Variants in PTDSS1 observed in about 807,000 individuals in gnomAD.
PTDSS1 encodes the protein phosphatidylserine synthase 1.
PTDSS1 carries 45 observed loss-of-function variants against 70.5 expected under a neutral mutation model. That is an observed-to-expected ratio of 0.64 (90% CI 0.50 to 0.82). PTDSS1 has a LOEUF of 0.82. PTDSS1 is among the 40% of genes least tolerant of loss of function. The probability of loss-of-function intolerance (pLI) is 0.00; values close to 1 mark genes in which losing one functional copy is unlikely to be tolerated. For missense variants in PTDSS1, 417 were observed against 586.1 expected (o/e 0.71, Z 2.98); for synonymous variants, 188 against 203.8 (o/e 0.92, Z 0.66).
At chr8:96,329,115 T>C (rs979084843) in intron 10 of PTDSS1, among the ~76,000 whole-genome samples, 2 of 152,160 alleles carry the variant, frequency 1.3e-5, no homozygotes, top group African/African-American at 4.8e-5. Context: ...ATTATTTCCT[T>C]GAGAAGGTCC....
chr8:96,298,871 C>A (rs901065570), intron 5 of PTDSS1, among the ~76,000 whole-genome samples: 3 of 151,998 alleles, frequency 2.0e-5, no homozygotes, highest in African/African-American at 4.8e-5. Flanking sequence ...AAAACTCTGG[C>A]TCAACTGAAA....
chr8:96,310,416 C>T (rs940073397), intron 9 of PTDSS1, among the ~76,000 whole-genome samples: 5 of 151,774 alleles, frequency 3.3e-5, no homozygotes, highest in African/African-American at 1.2e-4. Context: ...ACCCCCTTGG[C>T]CTCCCAAAGT....
At chr8:96,329,176 C>T (rs544432699) in intron 10 of PTDSS1, among the ~76,000 whole-genome samples, 18 of 152,280 alleles carry the variant, frequency 1.2e-4, no homozygotes, top group African/African-American at 3.1e-4. Flanking sequence ...GAGAGGGGTC[C>T]AGGAAAATGA....
rs544682085 is a variant in PTDSS1, at chr8:96,336,229, G to C, written c.*2663G>C. The C allele has an allele frequency of 2.6e-5, 4 of 151,994 alleles. No homozygotes were observed. The highest frequency in any genetic ancestry group is 1.3e-4 in the Admixed American group (2 of 15,280). 9.4% of individuals were successfully genotyped at this position (151,994 alleles called of 1,614,324 possible). On this transcript the variant is annotated 3_prime_UTR_variant, in exon 13 of 13. Coordinates refer to ENST00000517309, the MANE Select transcript of PTDSS1 (RefSeq NM_014754.3). The stretch of plus-strand genomic sequence containing the variant: ...TGCTTCCACAGTAAGCTCCTAAGGT[G>C]CTCACCCAACCCAGGAGAAAACAAA...
intron 5 of PTDSS1, among the ~76,000 whole-genome samples, chr8:96,299,260 ATATC>A (rs1811018049): frequency 6.6e-6 from 1 of 152,172 alleles, no homozygotes. Context: ...TTTTACCTAA[ATATC>A]TAGGGGATAT....
intron 2 of PTDSS1, among the ~76,000 whole-genome samples, chr8:96,275,431 G>C (rs978044940): frequency 6.6e-6 from 1 of 152,156 alleles, no homozygotes; most frequent in Non-Finnish European, 1.5e-5. Flanking sequence ...GAGCAGCTGG[G>C]ATTCCTGCTA....
At chr8:96,289,605 G>A (rs1563569227) in intron 4 of PTDSS1, among the ~76,000 whole-genome samples, 1 of 152,106 alleles carries the variant, frequency 6.6e-6, no homozygotes, top group African/African-American at 2.4e-5. Context: ...CTTTTCCAAT[G>A]TTTTTTAATC....
intron 2 of PTDSS1, among the ~76,000 whole-genome samples, chr8:96,273,719 G>C (rs1810600270): frequency 6.6e-6 from 1 of 152,154 alleles, no homozygotes; most frequent in Non-Finnish European, 1.5e-5. Context: ...TGTTTTTGTT[G>C]CTGTTTTTGT....
At chr8:96,302,563 G>A (rs1195266208) in intron 6 of PTDSS1, among the ~76,000 whole-genome samples, 1 of 146,062 alleles carries the variant, frequency 6.8e-6, no homozygotes, top group Non-Finnish European at 1.5e-5. Context: ...TTTGCACCAG[G>A]ATGTCTGCTT....
At chr8:96,273,437 C>CTGGTTTTT (rs1810595544) in intron 2 of PTDSS1, 47 bp downstream of exon 2, 1 of 1,464,972 alleles carries the variant, frequency 6.8e-7, no homozygotes, top group Admixed American at 2.0e-5. Context: ...TTGTGCCTTT[C>CTGGTTTTT]TGGTTTTTTT....
intron 6 of PTDSS1, among the ~76,000 whole-genome samples, chr8:96,302,851 G>A (rs1166142950): frequency 2.0e-5 from 3 of 152,136 alleles, no homozygotes; most frequent in African/African-American, 7.2e-5. Flanking sequence ...CAAAGTGCTG[G>A]GATTAGAGGC....
chr8:96,262,821 A>C lies in PTDSS1; in HGVS notation c.179+602A>C, dbSNP rs1269219228. ...ATGCATTGCACACAAGTCATCCAGC[A>C]TAACACTTCCCCCAGCCTCAAACAC... On this transcript the variant is annotated intron_variant, in intron 1 of 12. Coordinates refer to ENST00000517309, the MANE Select transcript of PTDSS1 (RefSeq NM_014754.3). This position sits in a 1 kb window ranked among gnomAD's most constrained non-coding sequence, Gnocchi z 4.4. Among the ~76,000 whole-genome samples, 1 of 152,162 alleles carries C rather than the reference A, an allele frequency of 6.6e-6. No homozygotes were observed. The highest frequency in any genetic ancestry group is 2.4e-5 in the African/African-American group (1 of 41,430).
At position 96,334,409 on chromosome 8, in the gene PTDSS1, G is replaced by A. The variant is rs1466984011; in HGVS notation, c.*843G>A. On this transcript the variant is annotated 3_prime_UTR_variant, in exon 13 of 13. Transcript: ENST00000517309. ...TGTTCTCCTTCCATGGTGTGTTGCTGACATTGTCACTGAGTCCCATGTGAG... is the reference window on the plus strand; with the variant it reads ...TGTTCTCCTTCCATGGTGTGTTGCTAACATTGTCACTGAGTCCCATGTGAG... The A allele has an allele frequency of 6.5e-6, 1 of 152,712 alleles. No individual in the cohort carries two copies. The highest frequency in any genetic ancestry group is 1.5e-5 in the Non-Finnish European group (1 of 68,118). The allele number at this position is 152,712 out of a possible 1,614,324, so 9.5% of individuals were successfully genotyped here. A position where few individuals can be genotyped will look rare whatever the true frequency, so the allele number is the denominator to read the frequency against.
In PTDSS1 at chr8:96,262,115, C is replaced by T. The variant is rs1466658951; in HGVS notation, c.75C>T (p.Asn25=). ...VNYKMHFRMI[N]EQQVEDITID... is the part of the protein sequence containing the mutation. The stretch of plus-strand genomic sequence containing the variant: ...ACAAAATGCATTTCCGGATGATCAA[C>T]GAGCAGCAAGTGGAGGACATCACCA... Residue 25 remains asparagine, a synonymous_variant, in exon 1 of 13, where the codon AAC becomes AAT. Transcript: ENST00000517309. This position sits in a 1 kb window ranked among gnomAD's most constrained non-coding sequence, Gnocchi z 4.4. The T allele has an allele frequency of 6.2e-7, 1 of 1,613,940 alleles. No homozygotes were observed. The highest frequency in any genetic ancestry group is 1.3e-5 in the African/African-American group (1 of 75,044).
chr8:96,285,239 G>T (rs1197526822), intron 3 of PTDSS1, among the ~76,000 whole-genome samples: 3 of 152,206 alleles, frequency 2.0e-5, no homozygotes, highest in Non-Finnish European at 4.4e-5. Flanking sequence ...CAAAGATTCT[G>T]GGGGAGGGGA....
intron 4 of PTDSS1, among the ~76,000 whole-genome samples, chr8:96,293,092 C>T (rs999193312): frequency 2.0e-5 from 3 of 152,240 alleles, no homozygotes; most frequent in African/African-American, 4.8e-5. Flanking sequence ...GACACCCTTA[C>T]ACACATGCAT....
intron 10 of PTDSS1, 52 bp downstream of exon 10, chr8:96,320,397 C>CT: frequency 1.4e-6 from 2 of 1,447,638 alleles, no homozygotes; most frequent in Non-Finnish European, 1.9e-6. Context: ...CATAGTATCA[C>CT]TTTAAACGGA....
At chr8:96,276,965 C>T (rs532613889) in intron 2 of PTDSS1, among the ~76,000 whole-genome samples, 35 of 117,268 alleles carry the variant, frequency 3.0e-4, no homozygotes, top group Admixed American at 2.7e-3. Context: ...GGCACATACA[C>T]GCGCGCACGC....
At chr8:96,283,977 G>GAA (rs56658341) in intron 2 of PTDSS1, 132 bp from the exon 3 acceptor site, 4,158 of 524,962 alleles carry the variant, frequency 7.9e-3, no homozygotes, top group South Asian at 0.012. Flanking sequence ...TGTTTATGTA[G>GAA]AAAAAAAAAA....
Sources: gnomAD v4.1 joint callset for allele counts (sites outside exome capture counted in the v4.1 genomes callset) on GRCh38, gnomAD v4.1.1 for gene constraint, Gnocchi (gnomAD v3.1) non-coding constraint, MANE v1.5 for transcripts, NCBI Gene and HGNC (gene_info 2026-07-23, HGNC 2026-07-21) for gene names.